PAX5: variants seen among roughly 807,000 people sequenced by gnomAD.
PAX5 encodes paired box 5, also known as paired box protein Pax-5.
PAX5 carries 9 observed loss-of-function variants against 43.7 expected under a neutral mutation model. That is an observed-to-expected ratio of 0.21 (90% CI 0.12 to 0.36). The LOEUF (loss-of-function observed/expected upper bound fraction) is 0.36. Ranked by LOEUF, PAX5 falls within the 10% of genes least tolerant of loss-of-function variation. The pLI is 1.00. For synonymous variants in PAX5, 228 were observed against 214.3 expected (o/e 1.06, Z -0.56); for missense variants, 383 against 532.7 (o/e 0.72, Z 2.77).
At chr9:36,964,569 G>T (rs1375911164) in intron 6 of PAX5, among the ~76,000 whole-genome samples, 1 of 148,140 alleles carries the variant, frequency 6.8e-6, no homozygotes, top group Non-Finnish European at 1.5e-5. Flanking sequence ...TCCAACCTGG[G>T]CAACAAGAGC....
rs1289098318 is a variant in PAX5, at chr9:36,833,760, C to T, written c.*6800G>A. 1 of 232,006 alleles carries T rather than the reference C, an allele frequency of 4.3e-6. No homozygotes were observed. The highest frequency in any genetic ancestry group is 8.5e-6 in the Non-Finnish European group (1 of 117,698). The allele number at this position is 232,006 out of a possible 1,614,324, so 14.4% of individuals were successfully genotyped here. ...AGAAAAAAAGAATACAAAACATACACATTTTTTAAGAAGCATTTTTTTTTT... is the reference window on the plus strand; with the variant it reads ...AGAAAAAAAGAATACAAAACATACATATTTTTTAAGAAGCATTTTTTTTTT... On this transcript the variant is annotated 3_prime_UTR_variant, in exon 10 of 10. Coordinates refer to ENST00000358127, the MANE Select transcript of PAX5 (RefSeq NM_016734.3).
chr9:36,869,626 A>G (rs1219393571), intron 8 of PAX5, among the ~76,000 whole-genome samples: 1 of 152,232 alleles, frequency 6.6e-6, no homozygotes, highest in Admixed American at 6.5e-5. Context: ...CTGTGTTCCC[A>G]GAGTCCCTGG....
rs187981517 is a variant in PAX5, at chr9:36,969,612, C to A, written c.605-2888G>T. Among the ~76,000 whole-genome samples, 4 of 152,376 alleles carry A rather than the reference C, an allele frequency of 2.6e-5. No individual in the cohort carries two copies. The East Asian group carries it at 5.8e-4, about 22-fold the overall frequency. On this transcript the variant is annotated intron_variant, in intron 5 of 9. Transcript: ENST00000358127. ...CTGGACACGCGCCCCTCTCTGCAGT[C>A]TCCCCAGAAGCAGACTGGCTGCGTC...
chr9:36,907,463 C>G (rs893171238), intron 7 of PAX5, among the ~76,000 whole-genome samples: 1 of 152,162 alleles, frequency 6.6e-6, no homozygotes, highest in Non-Finnish European at 1.5e-5. Flanking sequence ...CCCTGGGCCT[C>G]CTGTGGATGC....
chr9:36,963,338 C>A (rs1415423426), intron 6 of PAX5, among the ~76,000 whole-genome samples: 1 of 152,182 alleles, frequency 6.6e-6, no homozygotes, highest in Non-Finnish European at 1.5e-5. Context: ...CCCCATCAGA[C>A]CCCATCTCTC....
Position 36,833,702 on chromosome 9 carries a change from A to AC in PAX5, c.*6857dup, listed in dbSNP as rs1036910488. ...AGCAACACACGTCACTAAGAAAAAA[A>AC]CCACCAATATTTCAAGTCAGTTATT... On this transcript the variant is annotated 3_prime_UTR_variant, in exon 10 of 10. Coordinates refer to ENST00000358127, the MANE Select transcript of PAX5 (RefSeq NM_016734.3). 4.3e-6 allele frequency: 1 copy of AC among 233,038 alleles called. No individual in the cohort carries two copies. The highest frequency in any genetic ancestry group is 8.5e-6 in the Non-Finnish European group (1 of 118,036). 14.4% of individuals were successfully genotyped at this position (233,038 alleles called of 1,614,324 possible).
At chr9:36,973,781 G>A (rs1013602506) in intron 5 of PAX5, among the ~76,000 whole-genome samples, 5 of 152,128 alleles carry the variant, frequency 3.3e-5, no homozygotes, top group South Asian at 2.1e-4. Context: ...CAAGGCAGGC[G>A]GATCACCTGA....
Position 36,900,733 on chromosome 9 carries a change from G to T in PAX5, c.911-18628C>A, listed in dbSNP as rs141034077. Among the ~76,000 whole-genome samples the T allele has an allele frequency of 1.6e-4, 24 of 152,212 alleles. No individual in the cohort carries two copies. The East Asian group carries it at 3.7e-3, about 23-fold the overall frequency. Reference sequence around the variant, plus strand: ...CTCCTCCCCATCGTCCTTGTCTAAAGCTCTCAACTGAGTGACTCACATCCT... The same window carrying T: ...CTCCTCCCCATCGTCCTTGTCTAAATCTCTCAACTGAGTGACTCACATCCT... On this transcript the variant is annotated intron_variant, in intron 7 of 9. Transcript: ENST00000358127.
chr9:37,002,745 C>G lies in PAX5; in HGVS notation c.507G>C (p.Ser169=). Residue 169 remains serine, a synonymous_variant, in exon 5 of 10, where the codon TCG becomes TCC. Transcript: ENST00000358127. The part of the protein sequence containing the change: ...VSTGSVTQVS[S]VSTDSAGSSY... ...ACGAGCCGGCCGAATCCGTGCTCAC[C>G]GAGGACACCTGCGTCACGGAGCCAG... The G allele has an allele frequency of 2.5e-6, 4 of 1,610,254 alleles. No homozygotes were observed. The highest frequency in any genetic ancestry group is 3.4e-6 in the Non-Finnish European group (4 of 1,178,800).
At chr9:36,871,626 T>C (rs889519619) in intron 8 of PAX5, among the ~76,000 whole-genome samples, 7 of 152,196 alleles carry the variant, frequency 4.6e-5, no homozygotes, top group African/African-American at 1.7e-4. Context: ...GAAACACCAT[T>C]AGTAGAAGGA....
At chr9:37,033,158 G>A (rs1293250835) in intron 1 of PAX5, among the ~76,000 whole-genome samples, 1 of 152,226 alleles carries the variant, frequency 6.6e-6, no homozygotes, top group East Asian at 1.9e-4. Context: ...AGACCTGTTT[G>A]TACAAATGGT....
intron 1 of PAX5, among the ~76,000 whole-genome samples, chr9:37,021,101 T>A (rs939891574): frequency 6.6e-6 from 1 of 152,218 alleles, no homozygotes. Flanking sequence ...AAGATCTCAA[T>A]GTAAACGAAA....
intron 8 of PAX5, among the ~76,000 whole-genome samples, chr9:36,864,743 C>T (rs965606678): frequency 3.9e-5 from 6 of 152,214 alleles, no homozygotes; most frequent in Admixed American, 3.3e-4. Context: ...GGGCTGATGG[C>T]GCTGACGGAG....
chr9:36,876,553 T>C (rs1563921430), intron 8 of PAX5, among the ~76,000 whole-genome samples: 1 of 152,236 alleles, frequency 6.6e-6, no homozygotes, highest in Non-Finnish European at 1.5e-5. Context: ...TCTGCAACCA[T>C]GTTAAGATAT....
rs191570664 is a variant in PAX5, at chr9:36,990,714, G to A, written c.604+11934C>T. Among the ~76,000 whole-genome samples, 7 of 152,382 alleles carry A rather than the reference G, an allele frequency of 4.6e-5. No individual in the cohort carries two copies. The East Asian group carries it at 1.3e-3, about 29-fold the overall frequency. On this transcript the variant is annotated intron_variant, in intron 5 of 9. Coordinates refer to ENST00000358127, the MANE Select transcript of PAX5 (RefSeq NM_016734.3). ...TAGGACAGAGATGCAGTGACCTTGA[G>A]CAAACGCTTGCCATAAGGCAGGCCT...
chr9:36,913,073 T>C (rs1829435806), intron 7 of PAX5, among the ~76,000 whole-genome samples: 1 of 152,232 alleles, frequency 6.6e-6, no homozygotes, highest in Non-Finnish European at 1.5e-5. Context: ...GGGTGGACTT[T>C]CTTTGGCTGC....
At chr9:36,973,163 A>G (rs376268578) in intron 5 of PAX5, among the ~76,000 whole-genome samples, 3 of 111,122 alleles carry the variant, frequency 2.7e-5, no homozygotes, top group East Asian at 6.8e-4. Flanking sequence ...AGGAAAGGAA[A>G]GGAAAGGAAA....
At chr9:36,949,780 A>G (rs1203049244) in intron 6 of PAX5, among the ~76,000 whole-genome samples, 1 of 152,148 alleles carries the variant, frequency 6.6e-6, no homozygotes, top group African/African-American at 2.4e-5. Flanking sequence ...GGGGTCTGCA[A>G]AATTCCATGC....
intron 7 of PAX5, among the ~76,000 whole-genome samples, chr9:36,906,693 G>A (rs955972003): frequency 6.6e-6 from 1 of 152,164 alleles, no homozygotes; most frequent in East Asian, 1.9e-4. Context: ...AGATCCCCCC[G>A]CAAGCTCTCC....
Sources: allele counts gnomAD v4.1 joint callset (sites outside exome capture counted in the v4.1 genomes callset), GRCh38; gene constraint gnomAD v4.1.1; transcripts MANE v1.5; gene names NCBI Gene and HGNC (gene_info 2026-07-23, HGNC 2026-07-21).